Variants in GPR158 observed in about 807,000 individuals in gnomAD.
GPR158 encodes the protein G protein-coupled receptor 158, also known as metabotropic glycine receptor.
A neutral mutation model predicts 78.2 loss-of-function variants in GPR158; 30 were observed. The ratio of observed to expected loss-of-function variants is 0.38; its 90% CI spans 0.29 to 0.52. The LOEUF is 0.52. GPR158 is among the 20% of genes least tolerant of loss of function. GPR158 has a pLI of 0.83. For missense variants in GPR158, 1,463 were observed against 1,523.5 expected, an observed-to-expected ratio of 0.96 and a Z score of 0.66; for synonymous variants, 581 against 591.1, an observed-to-expected ratio of 0.98 and a Z score of 0.25.
At chr10:25,420,020 G>A (rs1305906421) in intron 4 of GPR158, among the ~76,000 whole-genome samples, 6 of 152,000 alleles carry the variant, frequency 3.9e-5, no homozygotes, top group Non-Finnish European at 5.9e-5. Flanking sequence ...GTTTTTCATT[G>A]TTGAGTTGTA....
intron 2 of GPR158, among the ~76,000 whole-genome samples, chr10:25,235,693 AT>A (rs930396368): frequency 0.042 from 4,806 of 113,762 alleles, 134 homozygotes; most frequent in African/African-American, 0.12. Context: ...TTGCACAGTA[AT>A]TTTTTTTTTT....
intron 2 of GPR158, among the ~76,000 whole-genome samples, chr10:25,291,703 G>C (rs943626835): frequency 6.6e-6 from 1 of 151,710 alleles, no homozygotes; most frequent in South Asian, 2.1e-4. Context: ...TGCAATTCTA[G>C]ACAAAGTGTT....
intron 2 of GPR158, among the ~76,000 whole-genome samples, chr10:25,393,078 T>C (rs1834322874): frequency 6.6e-6 from 1 of 152,212 alleles, no homozygotes; most frequent in South Asian, 2.1e-4. Flanking sequence ...TCAGGAGGCA[T>C]TTCTTTCAAG....
intron 2 of GPR158, among the ~76,000 whole-genome samples, chr10:25,324,831 C>CTTTTT (rs34746907): frequency 1.6e-5 from 2 of 125,382 alleles, no homozygotes; most frequent in Non-Finnish European, 3.2e-5. Flanking sequence ...TTTTTTCTTT[C>CTTTTT]TTTTTTTTTT....
chr10:25,452,801 G>A (rs75726342), intron 4 of GPR158, among the ~76,000 whole-genome samples: 1,806 of 152,066 alleles, frequency 0.012, 32 homozygotes, highest in African/African-American at 0.042. Context: ...CACATCCATC[G>A]CCACCCATTC....
chr10:25,534,435 G>A (rs1467048844), intron 5 of GPR158, among the ~76,000 whole-genome samples: 2 of 151,922 alleles, frequency 1.3e-5, no homozygotes, highest in African/African-American at 2.4e-5. Context: ...AGGTCAGTTC[G>A]AGACCACCCT....
intron 2 of GPR158, among the ~76,000 whole-genome samples, chr10:25,379,140 T>G (rs1182795484): frequency 6.6e-6 from 1 of 152,170 alleles, no homozygotes; most frequent in African/African-American, 2.4e-5. Context: ...CTTAAATCCA[T>G]GAGACATTAT....
At chr10:25,335,642 A>G (rs1198601851) in intron 2 of GPR158, among the ~76,000 whole-genome samples, 2 of 152,098 alleles carry the variant, frequency 1.3e-5, no homozygotes, top group African/African-American at 4.8e-5. Flanking sequence ...AGTCTGAAGG[A>G]ATGGCTATTG....
chr10:25,515,336 A>G (rs1421941793), intron 5 of GPR158, among the ~76,000 whole-genome samples: 2 of 151,512 alleles, frequency 1.3e-5, no homozygotes, highest in Admixed American at 1.3e-4. Flanking sequence ...CTTCATTTTT[A>G]GAAATTGTGA....
chr10:25,387,578 T>A (rs1294533376), intron 2 of GPR158, among the ~76,000 whole-genome samples: 3 of 151,002 alleles, frequency 2.0e-5, no homozygotes, highest in Non-Finnish European at 4.4e-5. Context: ...TGCAGTGGCA[T>A]GATCTTGGCT....
chr10:25,205,054 A>T (rs750785657), intron 1 of GPR158, among the ~76,000 whole-genome samples: 18 of 152,162 alleles, frequency 1.2e-4, no homozygotes, highest in Middle Eastern at 3.4e-3. Context: ...AACCCCTTTC[A>T]CTTAGTTCTC....
intron 1 of GPR158, among the ~76,000 whole-genome samples, chr10:25,204,608 T>A (rs1284819750): frequency 6.6e-6 from 1 of 152,214 alleles, no homozygotes; most frequent in Admixed American, 6.5e-5. Flanking sequence ...GAAGCCCACT[T>A]GATCATGGTG....
At chr10:25,225,135 C>G (rs1853356413) in intron 2 of GPR158, among the ~76,000 whole-genome samples, 1 of 150,066 alleles carries the variant, frequency 6.7e-6, no homozygotes, top group South Asian at 2.1e-4. Flanking sequence ...CTATTGATAA[C>G]CAACCACTTG....
rs1455101938 is a variant in GPR158 at position 25,226,805 on chromosome 10, C to T, written c.1008+5648C>T. Among the ~76,000 whole-genome samples, 5 of 152,164 alleles carry T rather than the reference C, an allele frequency of 3.3e-5. No individual in the cohort carries two copies. In the East Asian group the frequency reaches 9.6e-4, roughly 29 times the overall value. On this transcript the variant is annotated intron_variant, in intron 2 of 10. Coordinates refer to ENST00000376351, the MANE Select transcript of GPR158 (RefSeq NM_020752.3). ...AGATAATTTGCTGTTGTTAGATGGC[C>T]TCCCTCTAATGCATGGCCATCGCTT...
At chr10:25,569,277 A>G (rs1836971986) in intron 6 of GPR158, among the ~76,000 whole-genome samples, 1 of 152,166 alleles carries the variant, frequency 6.6e-6, no homozygotes, top group Admixed American at 6.5e-5. Flanking sequence ...ATAATTTGGA[A>G]ATGGGATTTC....
chr10:25,357,425 G>A (rs1855569295), intron 2 of GPR158, among the ~76,000 whole-genome samples: 1 of 152,132 alleles, frequency 6.6e-6, no homozygotes, highest in Admixed American at 6.5e-5. Context: ...TCCCATTACA[G>A]GCCCGGAGGC....
chr10:25,359,379 G>T (rs1380354598), intron 2 of GPR158, among the ~76,000 whole-genome samples: 3 of 151,976 alleles, frequency 2.0e-5, no homozygotes, highest in African/African-American at 7.2e-5. Flanking sequence ...TTCTACATTA[G>T]GTATTTCTCC....
At chr10:25,464,889 G>T (rs1320687904) in intron 4 of GPR158, among the ~76,000 whole-genome samples, 1 of 152,154 alleles carries the variant, frequency 6.6e-6, no homozygotes, top group Non-Finnish European at 1.5e-5. Flanking sequence ...CCATTTAAAT[G>T]CTTGCTGATA....
chr10:25,476,469 A>G (rs1835587823), intron 5 of GPR158, among the ~76,000 whole-genome samples: 1 of 150,746 alleles, frequency 6.6e-6, no homozygotes, highest in Non-Finnish European at 1.5e-5. Context: ...TCCAATGCAT[A>G]TGTAAGTAAT....
Sources: gnomAD v4.1 joint callset for allele counts (sites outside exome capture counted in the v4.1 genomes callset) on GRCh38, gnomAD v4.1.1 for gene constraint, MANE v1.5 for transcripts, NCBI Gene and HGNC (gene_info 2026-07-23, HGNC 2026-07-21) for gene names.